Variants in FOXP1 observed in about 807,000 individuals in gnomAD.
FOXP1 encodes the protein forkhead box P1, also known as forkhead box protein P1.
A neutral mutation model predicts 98.2 loss-of-function variants in FOXP1; 15 were observed. The ratio of observed to expected loss-of-function variants is 0.15; its 90% CI spans 0.10 to 0.24. FOXP1 has a LOEUF of 0.24. FOXP1 is among the 10% of genes least tolerant of loss of function. The pLI is 1.00. For missense variants in FOXP1, 633 were observed against 848.5 expected, an observed-to-expected ratio of 0.75 and a Z score of 3.15; for synonymous variants, 371 against 314.5, an observed-to-expected ratio of 1.18 and a Z score of -1.90.
chr3:71,466,975 G>A (rs2088825694), intron 3 of FOXP1, among the ~76,000 whole-genome samples: 1 of 152,110 alleles, frequency 6.6e-6, no homozygotes, highest in African/African-American at 2.4e-5. Flanking sequence ...TGTTACTGCA[G>A]GAGAATTTAG....
At position 71,389,483 on chromosome 3, in the gene FOXP1, A is replaced by C. The variant is rs111658822; in HGVS notation, c.-167-30239T>G. On this transcript the variant is annotated intron_variant, in intron 3 of 20. Transcript: ENST00000649528. Reference sequence around the variant, plus strand: ...AGTGAGGATGAACACAACGACGTGTACAAAACAAATATAATAAAATAAATT... The same window carrying C: ...AGTGAGGATGAACACAACGACGTGTCCAAAACAAATATAATAAAATAAATT... Among the ~76,000 whole-genome samples, 672 of 152,302 alleles carry C rather than the reference A, an allele frequency of 4.4e-3. 5 individuals are homozygous for C. Among genetic ancestry groups the C allele is most frequent in the African/African-American group, 0.016 (652 of 41,558 alleles).
rs114952723 is a variant in FOXP1, at chr3:71,512,516, C to T, written c.-297-18961G>A. Among the ~76,000 whole-genome samples the T allele has an allele frequency of 8.1e-3, 1,239 of 152,288 alleles. 17 individuals carry two copies. Among genetic ancestry groups the T allele is most frequent in the African/African-American group, 0.029 (1,185 of 41,548 alleles). ...TGTTCCTGAAGAGTCTATTTTTCCC[C>T]CATCACAACACACTTAAGTAGTACA... On this transcript the variant is annotated intron_variant, in intron 2 of 20. Coordinates refer to ENST00000649528, the MANE Select transcript of FOXP1 (RefSeq NM_001349338.3).
At chr3:71,279,222 C>T (rs2071252627) in intron 5 of FOXP1, among the ~76,000 whole-genome samples, 1 of 150,468 alleles carries the variant, frequency 6.6e-6, no homozygotes, top group Non-Finnish European at 1.5e-5. Flanking sequence ...TACCATTGTT[C>T]CAGAAAAGAG....
At chr3:71,476,679 AT>A (rs2089876310) in intron 3 of FOXP1, among the ~76,000 whole-genome samples, 1 of 93,318 alleles carries the variant, frequency 1.1e-5, no homozygotes. Context: ...TTTTTTTTGT[AT>A]TTTTGTACAG....
chr3:71,374,016 T>G (rs1391101422), intron 3 of FOXP1, among the ~76,000 whole-genome samples: 2 of 152,194 alleles, frequency 1.3e-5, no homozygotes, highest in Non-Finnish European at 2.9e-5. Context: ...AAAATACCAC[T>G]GCAATGTGTG....
At chr3:71,057,259 C>T (rs2050777433) in intron 7 of FOXP1, among the ~76,000 whole-genome samples, 2 of 134,288 alleles carry the variant, frequency 1.5e-5, no homozygotes, top group Admixed American at 8.6e-5. Flanking sequence ...TATTTATGGG[C>T]CCCTCTTTAA....
intron 2 of FOXP1, among the ~76,000 whole-genome samples, chr3:71,575,936 C>T (rs539428617): frequency 2.2e-4 from 33 of 152,310 alleles, no homozygotes; most frequent in Admixed American, 7.2e-4. Context: ...CAAAGTGAAT[C>T]ACAAAATTAG....
intron 5 of FOXP1, among the ~76,000 whole-genome samples, chr3:71,226,956 G>A (rs2065890619): frequency 6.6e-6 from 1 of 152,140 alleles, no homozygotes; most frequent in Non-Finnish European, 1.5e-5. Flanking sequence ...TGATGACAGG[G>A]CAGAGCGCAC....
At chr3:71,474,416 C>T (rs971023610) in intron 3 of FOXP1, among the ~76,000 whole-genome samples, 1 of 152,086 alleles carries the variant, frequency 6.6e-6, no homozygotes, top group South Asian at 2.1e-4. Flanking sequence ...TTCTGAGTAC[C>T]CTAGTTCAGG....
chr3:71,415,992 G>T (rs1343579153), intron 3 of FOXP1, among the ~76,000 whole-genome samples: 1 of 152,184 alleles, frequency 6.6e-6, no homozygotes, highest in Non-Finnish European at 1.5e-5. Context: ...TCACAGGAAT[G>T]ATAGACCAAC....
intron 2 of FOXP1, among the ~76,000 whole-genome samples, chr3:71,529,520 G>A (rs1347443133): frequency 2.6e-5 from 4 of 152,194 alleles, no homozygotes; most frequent in Non-Finnish European, 4.4e-5. Context: ...CAGTTGCCAG[G>A]GAAACCAGCC....
At chr3:71,563,830 A>G (rs921081970) in intron 2 of FOXP1, among the ~76,000 whole-genome samples, 1 of 152,222 alleles carries the variant, frequency 6.6e-6, no homozygotes, top group Non-Finnish European at 1.5e-5. Flanking sequence ...TGTTTTCAAC[A>G]CTGTCTCAAA....
intron 4 of FOXP1, among the ~76,000 whole-genome samples, chr3:71,355,362 AGGGCT>A (rs757792235): frequency 6.6e-6 from 1 of 152,218 alleles, no homozygotes; most frequent in African/African-American, 2.4e-5. Context: ...ATGAAGGGAC[AGGGCT>A]GTAACATATG....
intron 14 of FOXP1, among the ~76,000 whole-genome samples, chr3:70,985,061 C>T (rs984978283): frequency 6.6e-6 from 1 of 152,186 alleles, no homozygotes; most frequent in Non-Finnish European, 1.5e-5. Context: ...CATTCTATCA[C>T]TTAGTGACTA....
At chr3:71,583,359 G>C (rs1210200481) in intron 1 of FOXP1, 8 of 743,660 alleles carry the variant, frequency 1.1e-5, no homozygotes, top group East Asian at 1.3e-4. Context: ...GCCTCGACCC[G>C]GGGGGGAGAG....
chr3:71,377,031 A>T (rs1366301058), intron 3 of FOXP1, among the ~76,000 whole-genome samples: 3 of 152,156 alleles, frequency 2.0e-5, no homozygotes, highest in Non-Finnish European at 4.4e-5. Context: ...AAAAAACTAA[A>T]TGGTGACTAG....
At chr3:71,425,739 A>T (rs1276933639) in intron 3 of FOXP1, among the ~76,000 whole-genome samples, 6 of 135,150 alleles carry the variant, frequency 4.4e-5, no homozygotes, top group Admixed American at 3.6e-4. Context: ...CAAACCACTT[A>T]AAAAAAAAAA....
In FOXP1 at chr3:71,493,456, G is replaced by A. The variant is rs1319140543; in HGVS notation, c.-198C>T. The A allele has an allele frequency of 1.3e-5, 2 of 152,156 alleles. No individual in the cohort carries two copies. The highest frequency in any genetic ancestry group is 1.9e-4 in the East Asian group (1 of 5,204). 9.4% of individuals were successfully genotyped at this position (152,156 alleles called of 1,614,324 possible). The stretch of plus-strand genomic sequence containing the variant: ...TGGCTAGCAGGCATCACATCCATCC[G>A]TTCATGGCTGACAGCAAATCAGAGA... On this transcript the variant is annotated 5_prime_UTR_variant, in exon 3 of 21. In the 5' UTR this introduces an upstream ATG that the reference lacks. Coordinates refer to ENST00000649528, the MANE Select transcript of FOXP1 (RefSeq NM_001349338.3).
At chr3:71,041,219 T>G (rs2048293494) in intron 11 of FOXP1, 109 bp downstream of exon 11, 3 of 862,160 alleles carry the variant, frequency 3.5e-6, no homozygotes, top group African/African-American at 1.7e-5. Flanking sequence ...ATATGCACAT[T>G]CAAGTCACAT....
Sources: allele counts gnomAD v4.1 joint callset (sites outside exome capture counted in the v4.1 genomes callset), GRCh38; gene constraint gnomAD v4.1.1; transcripts MANE v1.5; gene names NCBI Gene and HGNC (gene_info 2026-07-23, HGNC 2026-07-21).